The following TEAD4 variants were observed in gnomAD, a reference collection of about 807,000 sequenced individuals.
TEAD4 encodes the protein transcriptional enhancer factor TEF-3.
Under a neutral mutation model 52.4 loss-of-function variants are expected in TEAD4, and 36 were observed. The ratio of observed to expected loss-of-function variants is 0.69; its 90% CI spans 0.53 to 0.91. The LOEUF (loss-of-function observed/expected upper bound fraction) is 0.91, where lower values mean the gene tolerates loss of function less well. Ranked by LOEUF, TEAD4 falls within the 40% of genes least tolerant of loss-of-function variation. The pLI is 0.00. For missense variants in TEAD4, 508 were observed against 583.9 expected, an observed-to-expected ratio of 0.87 and a Z score of 1.34; for synonymous variants, 220 against 231.0, an observed-to-expected ratio of 0.95 and a Z score of 0.43.
chr12:2,978,986 G>A (rs1183716115), intron 2 of TEAD4, among the ~76,000 whole-genome samples: 1 of 152,122 alleles, frequency 6.6e-6, no homozygotes, highest in Non-Finnish European at 1.5e-5. Context: ...TGTGATCTCA[G>A]CTCACTGCAA....
Position 3,038,021 on chromosome 12 carries a change from C to T in TEAD4, c.951C>T (p.Ser317=), listed in dbSNP as rs2098280458. The stretch of plus-strand genomic sequence containing the variant: ...AAGGCAGCTCCTTCTATGGGGTCTC[C>T]AGCCAGTATGAGAGCCCCGAGAACA... The change falls in exon 11 of 13, where the codon TCC becomes TCT. Residue 317 remains serine (S), a synonymous_variant. Coordinates refer to ENST00000359864, the MANE Select transcript of TEAD4 (RefSeq NM_003213.4). 1 of 1,614,034 alleles carries T rather than the reference C, an allele frequency of 6.2e-7. No individual in the cohort carries two copies. Among genetic ancestry groups the T allele is most frequent in the Admixed American group, 1.7e-5 (1 of 60,008 alleles).
chr12:3,011,903 T>A (rs1313489213), intron 4 of TEAD4, among the ~76,000 whole-genome samples: 4 of 152,186 alleles, frequency 2.6e-5, no homozygotes, highest in Non-Finnish European at 5.9e-5. Context: ...TGACCTCAAG[T>A]GATCCACCTG....
intron 2 of TEAD4, among the ~76,000 whole-genome samples, chr12:2,971,620 C>CT: frequency 6.6e-6 from 1 of 150,394 alleles, no homozygotes; most frequent in Non-Finnish European, 1.5e-5. Flanking sequence ...GGACTACAGG[C>CT]ACCCCCCACC....
At chr12:2,982,190 TGGA>T (rs2098234590) in intron 2 of TEAD4, among the ~76,000 whole-genome samples, 1 of 152,174 alleles carries the variant, frequency 6.6e-6, no homozygotes, top group Non-Finnish European at 1.5e-5. Flanking sequence ...AAAGTGTTTT[TGGA>T]GGAGCTTACT....
In TEAD4 at chr12:3,021,907, G is replaced by C; in HGVS notation, c.787G>C (p.Glu263Gln). The change falls in exon 10 of 13, where the codon GAA (glutamate) becomes CAA (glutamine). Residue 263 changes from glutamate to glutamine, a missense_variant. Glu to Gln is a conservative substitution (Grantham distance 29, BLOSUM62 2). Transcript: ENST00000359864. ...CCCAAGCTACAGCGACCCCTACCTC[G>C]AAGCCGTGGACATCCGCCAAATCTA... 6.2e-7 allele frequency: 1 copy of C among 1,614,258 alleles called. No homozygotes were observed.
At chr12:3,017,643 C>T in intron 6 of TEAD4, 117 bp downstream of exon 6, 1 of 1,386,502 alleles carries the variant, frequency 7.2e-7, no homozygotes, top group Non-Finnish European at 9.5e-7. Flanking sequence ...GTCCTCTTGG[C>T]CAGGGCAGTC....
chr12:3,032,209 C>T (rs898344717), intron 10 of TEAD4, among the ~76,000 whole-genome samples: 1 of 152,186 alleles, frequency 6.6e-6, no homozygotes, highest in African/African-American at 2.4e-5. Flanking sequence ...TTCTTTCTGA[C>T]TCTTAGGGGA....
intron 3 of TEAD4, among the ~76,000 whole-genome samples, chr12:3,008,321 G>A (rs2098257537): frequency 6.6e-6 from 1 of 152,164 alleles, no homozygotes; most frequent in South Asian, 2.1e-4. Flanking sequence ...GAAGCACAAG[G>A]ACCATAGTGG....
chr12:3,026,557 G>T (rs78167905), intron 10 of TEAD4, among the ~76,000 whole-genome samples: 1 of 152,216 alleles, frequency 6.6e-6, no homozygotes, highest in African/African-American at 2.4e-5. Context: ...AGCCAGTTTA[G>T]CTCCCTGTAA....
chr12:3,022,437 G>A (rs867079316), intron 10 of TEAD4, among the ~76,000 whole-genome samples: 3 of 152,162 alleles, frequency 2.0e-5, no homozygotes, highest in South Asian at 4.1e-4. Context: ...CGGTGCTCGC[G>A]TCCAAGGCAT....
intron 3 of TEAD4, among the ~76,000 whole-genome samples, chr12:3,005,789 G>A (rs528525510): frequency 2.0e-5 from 3 of 152,062 alleles, no homozygotes; most frequent in Non-Finnish European, 4.4e-5. Context: ...GTGAGCCACC[G>A]CACCCAGACT....
At chr12:2,978,780 A>G (rs2098231899) in intron 2 of TEAD4, among the ~76,000 whole-genome samples, 1 of 152,000 alleles carries the variant, frequency 6.6e-6, no homozygotes, top group African/African-American at 2.4e-5. Context: ...GGCTGTCTCT[A>G]TGGATTTGCA....
chr12:2,967,016 G>A lies in TEAD4; in HGVS notation c.-30+6976G>A, dbSNP rs193286250. 1.4e-3 allele frequency among the ~76,000 whole-genome samples: 219 copies of A among 152,226 alleles called. 5 individuals carry two copies. Among genetic ancestry groups the A allele is most frequent in the Admixed American group, 0.012 (186 of 15,282 alleles). On this transcript the variant is annotated intron_variant, in intron 2 of 12. Transcript: ENST00000359864. ...ACCACCGCACCTGACCCTGTTTCTC[G>A]TTTTTATGGGCGTTGAGGGTAGCAA...
chr12:3,037,833 G>A lies in TEAD4; in HGVS notation c.898-135G>A, dbSNP rs540220514. On this transcript the variant is annotated intron_variant, in intron 10 of 12. Transcript: ENST00000359864. ...TGTAGAGGAATGTGGAAGCTTTCTG[G>A]CGTCCTACTGTCTACCCTCAGTCTG... The A allele has an allele frequency of 3.2e-4, 334 of 1,034,678 alleles. 2 individuals carry two copies. In the African/African-American group the frequency reaches 5.1e-3, roughly 16 times the overall value. 64.1% of individuals were successfully genotyped at this position (1,034,678 alleles called of 1,614,324 possible). A position where few individuals can be genotyped will look rare whatever the true frequency, so the allele number is the denominator to read the frequency against.
chr12:3,027,912 G>A (rs548030616), intron 10 of TEAD4, among the ~76,000 whole-genome samples: 1 of 152,228 alleles, frequency 6.6e-6, no homozygotes, highest in South Asian at 2.1e-4. Context: ...TATTCACAAA[G>A]TTGTGCAACC....
At chr12:3,029,529 C>T (rs535317354) in intron 10 of TEAD4, among the ~76,000 whole-genome samples, 7 of 152,160 alleles carry the variant, frequency 4.6e-5, no homozygotes, top group South Asian at 4.1e-4. Flanking sequence ...TGAGCCACCG[C>T]GCCCGGCCCA....
At chr12:3,018,258 T>A (rs1286072712) in intron 6 of TEAD4, among the ~76,000 whole-genome samples, 1 of 152,210 alleles carries the variant, frequency 6.6e-6, no homozygotes, top group Non-Finnish European at 1.5e-5. Context: ...CTGGGACTTT[T>A]CTGAGCCTTA....
chr12:2,962,377 C>G (rs2098216536), intron 2 of TEAD4, among the ~76,000 whole-genome samples: 1 of 126,546 alleles, frequency 7.9e-6, no homozygotes, highest in African/African-American at 2.8e-5. Flanking sequence ...CTCTTGTTGC[C>G]TAGGCTGGAG....
chr12:2,976,865 C>T (rs2098230145), intron 2 of TEAD4, among the ~76,000 whole-genome samples: 3 of 152,156 alleles, frequency 2.0e-5, no homozygotes, highest in South Asian at 2.1e-4. Flanking sequence ...GGAATCTTAT[C>T]TCCCTCTGTT....
Sources: allele counts gnomAD v4.1 joint callset (sites outside exome capture counted in the v4.1 genomes callset), GRCh38; gene constraint gnomAD v4.1.1; transcripts MANE v1.5; gene names NCBI Gene and HGNC (gene_info 2026-07-23, HGNC 2026-07-21).